TBC1D5: variants seen among roughly 807,000 people sequenced by gnomAD.
The protein encoded by TBC1D5 is TBC1 domain family, member 5.
In TBC1D5, 75 loss-of-function variants were observed where a neutral mutation model predicts 100.3. That is an observed-to-expected ratio of 0.75 (90% confidence interval 0.62 to 0.91). The LOEUF (loss-of-function observed/expected upper bound fraction) is 0.91, where lower values mean the gene tolerates loss of function less well. TBC1D5 is among the 40% of genes least tolerant of loss of function. The pLI, the probability that TBC1D5 is intolerant of heterozygous loss-of-function variation, is 0.00. For synonymous variants in TBC1D5, 323 were observed against 325.6 expected (o/e 0.99, Z 0.09); for missense variants, 910 against 942.4 (o/e 0.97, Z 0.45).
intron 2 of TBC1D5, among the ~76,000 whole-genome samples, chr3:17,591,674 T>G (rs529365702): frequency 1.3e-5 from 2 of 152,254 alleles, no homozygotes; most frequent in South Asian, 4.2e-4. Context: ...ATTTCCCCAG[T>G]GCTGGAATGC....
At chr3:17,636,215 G>GA (rs970045085) in intron 1 of TBC1D5, among the ~76,000 whole-genome samples, 11 of 151,414 alleles carry the variant, frequency 7.3e-5, no homozygotes, top group East Asian at 3.9e-4. Flanking sequence ...TTTCAGATGG[G>GA]AAAAAAAACA....
rs186967937 is a variant in TBC1D5, at chr3:17,546,800, A to T, written c.-35-38195T>A. Among the ~76,000 whole-genome samples the T allele has an allele frequency of 1.2e-3, 185 of 151,688 alleles. No homozygotes were observed. The Middle Eastern group carries it at 0.014, about 11-fold the overall frequency. On this transcript the variant is annotated intron_variant, in intron 2 of 21. Transcript: ENST00000253692. ...CTCCATCTCAAAAAAAAAAAAAAAG[A>T]AAGAAAGAAAGAAAGAAATCCAACG...
intron 13 of TBC1D5, among the ~76,000 whole-genome samples, chr3:17,324,618 T>A (rs2151006010): frequency 6.6e-6 from 1 of 152,096 alleles, no homozygotes; most frequent in South Asian, 2.1e-4. Context: ...CACTCTATCC[T>A]CGACAACAGA....
chr3:17,641,706 T>C (rs878982729), intron 1 of TBC1D5, among the ~76,000 whole-genome samples: 2 of 152,174 alleles, frequency 1.3e-5, no homozygotes, highest in Non-Finnish European at 2.9e-5. Context: ...GAGCATTTTT[T>C]TTCTTACACA....
At chr3:17,656,904 T>C (rs1577270688) in intron 1 of TBC1D5, among the ~76,000 whole-genome samples, 1 of 151,980 alleles carries the variant, frequency 6.6e-6, no homozygotes, top group Non-Finnish European at 1.5e-5. Context: ...TGGAATGAGG[T>C]ACAGATTTGT....
intron 13 of TBC1D5, among the ~76,000 whole-genome samples, chr3:17,309,765 G>A (rs994905548): frequency 2.0e-5 from 3 of 151,996 alleles, no homozygotes; most frequent in Non-Finnish European, 4.4e-5. Context: ...AGAATTAACT[G>A]ATCTTGCAAA....
At chr3:17,633,373 T>G (rs1353847108) in intron 1 of TBC1D5, among the ~76,000 whole-genome samples, 1 of 150,918 alleles carries the variant, frequency 6.6e-6, no homozygotes. Flanking sequence ...GAGGCAGAGG[T>G]TGCAGTAAGC....
intron 2 of TBC1D5, among the ~76,000 whole-genome samples, chr3:17,539,588 T>C (rs933740667): frequency 6.6e-6 from 1 of 152,182 alleles, no homozygotes; most frequent in Non-Finnish European, 1.5e-5. Flanking sequence ...TCGTAAGATC[T>C]CTGTTTTAAT....
chr3:17,339,154 C>G (rs1245159218), intron 13 of TBC1D5, among the ~76,000 whole-genome samples: 1 of 152,202 alleles, frequency 6.6e-6, no homozygotes, highest in African/African-American at 2.4e-5. Context: ...TAAAGACAAG[C>G]AATGCCTATG....
chr3:17,161,045 G>A (rs2065975628), exon 22 of TBC1D5: 1 of 1,614,248 alleles, frequency 6.2e-7, no homozygotes. Flanking sequence ...GTTGCTGGAG[G>A]AAGCTGAGGC....
At chr3:17,657,397 G>A (rs572284691) in intron 1 of TBC1D5, among the ~76,000 whole-genome samples, 16 of 147,896 alleles carry the variant, frequency 1.1e-4, no homozygotes, top group Middle Eastern at 3.4e-3. Context: ...GTGCAGTGGC[G>A]CAATCTCGGC....
chr3:17,212,197 C>T (rs1284831251), intron 18 of TBC1D5, among the ~76,000 whole-genome samples: 1 of 152,182 alleles, frequency 6.6e-6, no homozygotes, highest in African/African-American at 2.4e-5. Flanking sequence ...AGGTGTTAAA[C>T]TACAGTCATG....
chr3:17,571,217 T>A (rs1196677635), intron 2 of TBC1D5, among the ~76,000 whole-genome samples: 1 of 152,000 alleles, frequency 6.6e-6, no homozygotes, highest in Non-Finnish European at 1.5e-5. Flanking sequence ...AAACTTAACT[T>A]TACAGAAAAG....
intron 15 of TBC1D5, among the ~76,000 whole-genome samples, chr3:17,286,989 A>G (rs1255506726): frequency 6.6e-6 from 1 of 152,222 alleles, no homozygotes; most frequent in South Asian, 2.1e-4. Flanking sequence ...ATTCTTTGCT[A>G]TGTCTTCTGT....
At chr3:17,567,679 A>G (rs2096601904) in intron 2 of TBC1D5, among the ~76,000 whole-genome samples, 1 of 151,748 alleles carries the variant, frequency 6.6e-6, no homozygotes, top group Non-Finnish European at 1.5e-5. Context: ...TGTACACAAT[A>G]GCTATTTAGA....
intron 3 of TBC1D5, among the ~76,000 whole-genome samples, chr3:17,438,839 A>C (rs980256797): frequency 2.0e-5 from 3 of 152,140 alleles, no homozygotes; most frequent in Non-Finnish European, 4.4e-5. Flanking sequence ...CAAAACAACA[A>C]AACAAAAAAT....
chr3:17,394,183 G>GA (rs1436507088), intron 8 of TBC1D5, among the ~76,000 whole-genome samples: 1 of 152,074 alleles, frequency 6.6e-6, no homozygotes, highest in African/African-American at 2.4e-5. Context: ...CCAGAAGGCA[G>GA]AAACAGTATC....
exon 22 of TBC1D5, chr3:17,160,891 A>G: frequency 6.5e-7 from 1 of 1,527,634 alleles, no homozygotes; most frequent in Non-Finnish European, 8.8e-7. Context: ...TCTCCACTGG[A>G]TGAGCCTCAG....
intron 1 of TBC1D5, among the ~76,000 whole-genome samples, chr3:17,624,261 A>G (rs1373365006): frequency 2.0e-5 from 3 of 152,180 alleles, no homozygotes; most frequent in Non-Finnish European, 2.9e-5. Flanking sequence ...TTAAACACTG[A>G]GATTTTATTT....
Sources: allele counts gnomAD v4.1 joint callset (sites outside exome capture counted in the v4.1 genomes callset), GRCh38; gene constraint gnomAD v4.1.1; transcripts MANE v1.5; gene names NCBI Gene and HGNC (gene_info 2026-07-23, HGNC 2026-07-21).